The following CNBD1 variants were observed in gnomAD, a reference collection of about 807,000 sequenced individuals.
The protein encoded by CNBD1 is cyclic nucleotide binding domain containing 1.
A neutral mutation model predicts 54.4 loss-of-function variants in CNBD1; 71 were observed. That is an observed-to-expected ratio of 1.30 (90% CI 1.08 to 1.59). The LOEUF (loss-of-function observed/expected upper bound fraction) is 1.59. Among genes scored for constraint, CNBD1 ranks in the 40% most tolerant of loss-of-function variants. CNBD1 has a pLI of 0.00. For synonymous variants in CNBD1, 182 were observed against 170.7 expected (o/e 1.07, Z -0.51); for missense variants, 659 against 518.0 (o/e 1.27, Z -2.64).
intron 4 of CNBD1, among the ~76,000 whole-genome samples, chr8:87,137,320 C>T (rs1163092669): frequency 6.6e-6 from 1 of 150,916 alleles, no homozygotes; most frequent in East Asian, 1.9e-4. Flanking sequence ...CCTCAGCCTC[C>T]CGAGTAGCTG....
intron 4 of CNBD1, among the ~76,000 whole-genome samples, chr8:87,193,260 T>C (rs990509482): frequency 6.6e-6 from 1 of 152,192 alleles, no homozygotes; most frequent in East Asian, 1.9e-4. Context: ...ATTAAAAGAA[T>C]GTGTAAACTC....
chr8:87,053,585 T>G (rs1017435125), intron 4 of CNBD1, among the ~76,000 whole-genome samples: 4 of 152,202 alleles, frequency 2.6e-5, no homozygotes, highest in Admixed American at 6.5e-5. Context: ...TGGTAACCTT[T>G]GTAGATGCTG....
chr8:86,893,463 G>A (rs1808802716), intron 2 of CNBD1, among the ~76,000 whole-genome samples: 1 of 152,016 alleles, frequency 6.6e-6, no homozygotes, highest in Admixed American at 6.5e-5. Context: ...TTCCCCTTAA[G>A]GAACACTGGT....
At chr8:87,239,944 T>C (rs1392050577) in intron 6 of CNBD1, among the ~76,000 whole-genome samples, 1 of 152,092 alleles carries the variant, frequency 6.6e-6, no homozygotes, top group Non-Finnish European at 1.5e-5. Context: ...TGCTTCTAAG[T>C]AGCTTTAAAA....
chr8:86,912,298 G>A (rs977188404), intron 3 of CNBD1, among the ~76,000 whole-genome samples: 2 of 152,088 alleles, frequency 1.3e-5, no homozygotes, highest in Admixed American at 1.3e-4. Flanking sequence ...TTTCTAAAGG[G>A]TGCAGACCAA....
At position 86,972,292 on chromosome 8, in the gene CNBD1, A is replaced by C. The variant is rs568198848; in HGVS notation, c.431+32538A>C. Reference sequence around the variant, plus strand: ...AACATAGTATTAAATAATTATGACAATAGTGAGCAGTTTTTTAATGTATTT... The same window carrying C: ...AACATAGTATTAAATAATTATGACACTAGTGAGCAGTTTTTTAATGTATTT... On this transcript the variant is annotated intron_variant, in intron 4 of 10. Coordinates refer to ENST00000518476, the MANE Select transcript of CNBD1 (RefSeq NM_173538.3). 2.6e-5 allele frequency among the ~76,000 whole-genome samples: 4 copies of C among 152,276 alleles called. No individual in the cohort carries two copies. In the South Asian group the frequency reaches 8.3e-4, roughly 32 times the overall value.
intron 4 of CNBD1, among the ~76,000 whole-genome samples, chr8:87,194,692 C>T (rs1813678190): frequency 6.6e-6 from 1 of 151,924 alleles, no homozygotes; most frequent in African/African-American, 2.4e-5. Context: ...TATTTTAATT[C>T]CATTTTAAAT....
At chr8:86,953,496 T>A (rs1428597544) in intron 4 of CNBD1, among the ~76,000 whole-genome samples, 1 of 152,156 alleles carries the variant, frequency 6.6e-6, no homozygotes, top group Non-Finnish European at 1.5e-5. Context: ...ACTCTAGAAA[T>A]CCCGTACAAT....
At chr8:87,228,833 C>A (rs947639125) in intron 5 of CNBD1, among the ~76,000 whole-genome samples, 1 of 152,168 alleles carries the variant, frequency 6.6e-6, no homozygotes, top group Non-Finnish European at 1.5e-5. Flanking sequence ...GGCGCCCCTC[C>A]TCCAGCCTCG....
In CNBD1 at chr8:86,990,104, A is replaced by C. The variant is rs1054826488; in HGVS notation, c.431+50350A>C. ...CTTATATATTTTGGTTATTAATCCC[A>C]TGTCAGATGGGTAGTTTGCAAATAT... On this transcript the variant is annotated intron_variant, in intron 4 of 10. Transcript: ENST00000518476. Among the ~76,000 whole-genome samples the C allele has an allele frequency of 8.5e-5, 13 of 152,152 alleles. 1 individual carries two copies. The highest frequency in any genetic ancestry group is 8.5e-4 in the Admixed American group (13 of 15,272).
At chr8:86,949,953 T>TGC (rs1554633436) in intron 4 of CNBD1, among the ~76,000 whole-genome samples, 5 of 83,788 alleles carry the variant, frequency 6.0e-5, no homozygotes, top group Admixed American at 1.4e-4. Context: ...AATGCTTTTT[T>TGC]TTTTTTTTTT....
intron 6 of CNBD1, among the ~76,000 whole-genome samples, chr8:87,269,098 T>C (rs1326233650): frequency 6.6e-6 from 1 of 152,140 alleles, no homozygotes; most frequent in African/African-American, 2.4e-5. Context: ...TTAATTTTTG[T>C]ATATTGTAAA....
At chr8:86,959,933 C>T (rs1387581382) in intron 4 of CNBD1, among the ~76,000 whole-genome samples, 2 of 151,394 alleles carry the variant, frequency 1.3e-5, no homozygotes, top group Non-Finnish European at 2.9e-5. Flanking sequence ...AAGAGGGGCT[C>T]TGATTTTCAG....
chr8:86,922,622 G>A (rs1240997954), intron 3 of CNBD1, among the ~76,000 whole-genome samples: 1 of 152,092 alleles, frequency 6.6e-6, no homozygotes, highest in Non-Finnish European at 1.5e-5. Flanking sequence ...TTGCAGTAAA[G>A]TGGAAAGTTA....
At chr8:87,305,897 A>G (rs1171009245) in intron 8 of CNBD1, among the ~76,000 whole-genome samples, 4 of 152,200 alleles carry the variant, frequency 2.6e-5, no homozygotes, top group Non-Finnish European at 5.9e-5. Context: ...AAACAAAGAT[A>G]AATAGCTCGG....
At chr8:87,349,084 T>C (rs1810230403) in intron 8 of CNBD1, among the ~76,000 whole-genome samples, 1 of 152,190 alleles carries the variant, frequency 6.6e-6, no homozygotes, top group South Asian at 2.1e-4. Flanking sequence ...GACCTTGAGA[T>C]AATAATAAAT....
At chr8:86,939,526 T>G in intron 3 of CNBD1, 70 bp from the exon 4 acceptor site, 1 of 1,082,572 alleles carries the variant, frequency 9.2e-7, no homozygotes, top group Non-Finnish European at 1.3e-6. Context: ...TCCTGCAATA[T>G]AGTAAAAGTC....
intron 10 of CNBD1, among the ~76,000 whole-genome samples, chr8:87,378,118 A>C (rs1810990302): frequency 7.0e-6 from 1 of 143,548 alleles, no homozygotes. Context: ...GTTCACTCTG[A>C]TGGTAGTTTC....
At chr8:86,993,361 G>C (rs1358818346) in intron 4 of CNBD1, among the ~76,000 whole-genome samples, 1 of 151,792 alleles carries the variant, frequency 6.6e-6, no homozygotes, top group African/African-American at 2.4e-5. Flanking sequence ...TTATCTCATG[G>C]ATTGTTTTAC....
Sources: allele counts gnomAD v4.1 joint callset (sites outside exome capture counted in the v4.1 genomes callset), GRCh38; gene constraint gnomAD v4.1.1; transcripts MANE v1.5; gene names NCBI Gene and HGNC (gene_info 2026-07-23, HGNC 2026-07-21).